The following VPS13A variants were observed in gnomAD, a reference collection of about 807,000 sequenced individuals.
The protein encoded by VPS13A is vacuolar protein sorting 13 homolog A.
A neutral mutation model predicts 390.9 loss-of-function variants in VPS13A; 264 were observed. The ratio of observed to expected loss-of-function variants is 0.68; its 90% CI spans 0.61 to 0.75. VPS13A has a LOEUF of 0.75. VPS13A is among the 30% of genes least tolerant of loss of function. The probability of loss-of-function intolerance (pLI) is 0.00; values close to 1 mark genes in which losing one functional copy is unlikely to be tolerated. For synonymous variants in VPS13A, 1,231 were observed against 1,227.1 expected, an observed-to-expected ratio of 1.00 and a Z score of -0.07; for missense variants, 3,409 against 3,733.9, an observed-to-expected ratio of 0.91 and a Z score of 2.27.
chr9:77,409,599 C>T (rs1834812153), intron 71 of VPS13A, among the ~76,000 whole-genome samples: 1 of 151,752 alleles, frequency 6.6e-6, no homozygotes, highest in Non-Finnish European at 1.5e-5. Context: ...CAGAGAAGTC[C>T]TTAAAGGACC....
intron 10 of VPS13A, among the ~76,000 whole-genome samples, chr9:77,219,727 A>G (rs1022604423): frequency 6.6e-6 from 1 of 151,868 alleles, no homozygotes; most frequent in African/African-American, 2.4e-5. Flanking sequence ...GGGGAGTTCA[A>G]TTTGCCTTTA....
intron 46 of VPS13A, among the ~76,000 whole-genome samples, chr9:77,336,121 C>T (rs571026936): frequency 6.6e-6 from 1 of 152,290 alleles, no homozygotes; most frequent in South Asian, 2.1e-4. Flanking sequence ...CCAAACACCG[C>T]ATGTTCTCAC....
At chr9:77,181,681 A>G (rs1031791540) in intron 1 of VPS13A, among the ~76,000 whole-genome samples, 1 of 152,220 alleles carries the variant, frequency 6.6e-6, no homozygotes, top group African/African-American at 2.4e-5. Context: ...CTATAATAGT[A>G]TCAATTAGTA....
intron 59 of VPS13A, among the ~76,000 whole-genome samples, chr9:77,363,200 T>C (rs73449971): frequency 0.012 from 1,842 of 152,118 alleles, 37 homozygotes; most frequent in African/African-American, 0.042. Flanking sequence ...GAGGGTAAAT[T>C]TTCAGTCTTT....
At chr9:77,268,871 T>TGGA (rs1469815474) in intron 23 of VPS13A, among the ~76,000 whole-genome samples, 1 of 148,744 alleles carries the variant, frequency 6.7e-6, no homozygotes, top group Non-Finnish European at 1.5e-5. Context: ...ACTCTGGAGG[T>TGGA]GGAGGTTGCA....
intron 71 of VPS13A, among the ~76,000 whole-genome samples, chr9:77,409,104 G>C (rs1737534803): frequency 6.6e-6 from 1 of 152,210 alleles, no homozygotes; most frequent in South Asian, 2.1e-4. Context: ...AAAACTTCCA[G>C]AGGAACAATC....
chr9:77,345,830 G>A (rs1831117765), intron 52 of VPS13A, among the ~76,000 whole-genome samples: 1 of 152,042 alleles, frequency 6.6e-6, no homozygotes. Flanking sequence ...AAATCAAACA[G>A]ACATTGAGTA....
intron 47 of VPS13A, 185 bp downstream of exon 47, chr9:77,337,722 AGACTT>A (rs1238339139): frequency 8.4e-6 from 5 of 596,724 alleles, no homozygotes; most frequent in Non-Finnish European, 1.4e-5. Flanking sequence ...TTTAAGAACT[AGACTT>A]CAGTGACAAA....
intron 59 of VPS13A, among the ~76,000 whole-genome samples, chr9:77,362,974 C>G (rs529338571): frequency 6.6e-6 from 1 of 152,090 alleles, no homozygotes; most frequent in East Asian, 1.9e-4. Flanking sequence ...ATTTTGCACC[C>G]CTACTGAATT....
chr9:77,376,449 A>G (rs1028344134), intron 67 of VPS13A, among the ~76,000 whole-genome samples: 2 of 152,228 alleles, frequency 1.3e-5, no homozygotes, highest in African/African-American at 4.8e-5. Context: ...CAAGTGAGTG[A>G]CAATGGTGAT....
intron 20 of VPS13A, among the ~76,000 whole-genome samples, chr9:77,248,045 T>G (rs1265014533): frequency 2.6e-5 from 4 of 152,288 alleles, no homozygotes; most frequent in African/African-American, 9.6e-5. Context: ...ACTTGATTAC[T>G]TAAAGTATAT....
rs751519224 is a variant in VPS13A at position 77,276,144 on chromosome 9, A to C, written c.2747A>C (p.Glu916Ala). ...ATTCTTGTTTTAGGATTGGGTGCAG[A>C]AATTGAGATTAGAACATACGATTTG... ...VEILVLGLGAEIEIRTYDLKA... is the reference protein window; with the variant it reads ...VEILVLGLGAAIEIRTYDLKA... The change falls in exon 26 of 72, where the codon GAA (glutamate) becomes GCA (alanine). Residue 916 changes from glutamate to alanine, a missense_variant. By Grantham distance (107) the Glu-to-Ala change is moderately radical. This residue lies in a region of VPS13A where 2,717 missense variants were observed against 2,917.4 expected (regional missense o/e 0.93). Coordinates refer to ENST00000360280, the MANE Select transcript of VPS13A (RefSeq NM_033305.3). 26 of 1,613,234 alleles carry C rather than the reference A, an allele frequency of 1.6e-5. No homozygotes were observed. Among genetic ancestry groups the C allele is most frequent in the Non-Finnish European group, 1.8e-5 (21 of 1,179,552 alleles).
Position 77,382,086 on chromosome 9 carries a change from A to G in VPS13A, c.9188A>G (p.Gln3063Arg). The G allele has an allele frequency of 6.2e-7, 1 of 1,601,348 alleles. No homozygotes were observed. The highest frequency in any genetic ancestry group is 8.5e-7 in the Non-Finnish European group (1 of 1,171,404). Residue 3063 changes from glutamine to arginine, a missense_variant and splice_region_variant, in exon 68 of 72, where the codon CAG becomes CGG. Gln to Arg is a conservative substitution (Grantham distance 43). Transcript: ENST00000360280. ...GATGGGACTGGAAATCAAATGTTACAGGTAAATTAAGAGCTATCTTATAAA... is the reference window on the plus strand; with the variant it reads ...GATGGGACTGGAAATCAAATGTTACGGGTAAATTAAGAGCTATCTTATAAA... ...LRDGTGNQML[Q>R]VMENGRFAKY...
chr9:77,408,471 C>T (rs74876950), intron 71 of VPS13A, among the ~76,000 whole-genome samples: 1,914 of 152,276 alleles, frequency 0.013, 40 homozygotes, highest in African/African-American at 0.044. Context: ...GCGCACCGAG[C>T]GTGAGCCAAA....
intron 50 of VPS13A, among the ~76,000 whole-genome samples, chr9:77,343,021 A>G (rs1241187514): frequency 6.6e-6 from 1 of 152,150 alleles, no homozygotes; most frequent in African/African-American, 2.4e-5. Context: ...AAGTGTCTTC[A>G]CTTTTTGTGA....
At chr9:77,291,673 T>C (rs1827673076) in intron 31 of VPS13A, among the ~76,000 whole-genome samples, 1 of 152,200 alleles carries the variant, frequency 6.6e-6, no homozygotes, top group East Asian at 1.9e-4. Flanking sequence ...TTCTTAGCTC[T>C]TTCCTAGATG....
intron 2 of VPS13A, 27 bp downstream of exon 2, chr9:77,200,015 A>G: frequency 6.4e-7 from 1 of 1,569,702 alleles, no homozygotes; most frequent in South Asian, 1.1e-5. Context: ...AAAAATTTGT[A>G]AAGTTATTGC....
At chr9:77,409,549 G>GA (rs769606032) in intron 71 of VPS13A, among the ~76,000 whole-genome samples, 9 of 151,820 alleles carry the variant, frequency 5.9e-5, no homozygotes, top group African/African-American at 1.7e-4. Flanking sequence ...TAAAAACCTT[G>GA]AAAAAAAATT....
chr9:77,277,779 C>T (rs1826772567), intron 26 of VPS13A, among the ~76,000 whole-genome samples: 1 of 152,014 alleles, frequency 6.6e-6, no homozygotes. Context: ...ATGATATTCT[C>T]TTGTCTGGAT....
Sources: allele counts gnomAD v4.1 joint callset (sites outside exome capture counted in the v4.1 genomes callset), GRCh38; gene constraint gnomAD v4.1.1; regional missense constraint gnomAD v4.1.1; transcripts MANE v1.5; gene names NCBI Gene and HGNC (gene_info 2026-07-23, HGNC 2026-07-21).